Variants in LPXN observed in about 807,000 individuals in gnomAD.
LPXN encodes leupaxin.
Under a neutral mutation model 45.6 loss-of-function variants are expected in LPXN, and 28 were observed. The observed-to-expected ratio is 0.61, with a 90% CI of 0.45 to 0.84. The LOEUF (loss-of-function observed/expected upper bound fraction) is 0.84. Ranked by LOEUF, LPXN falls within the 40% of genes least tolerant of loss-of-function variation. The pLI is 0.00. For missense variants in LPXN, 459 were observed against 475.0 expected, an observed-to-expected ratio of 0.97 and a Z score of 0.31; for synonymous variants, 166 against 169.9, an observed-to-expected ratio of 0.98 and a Z score of 0.18.
At chr11:58,537,598 G>C (rs566161476) in intron 7 of LPXN, among the ~76,000 whole-genome samples, 1 of 151,748 alleles carries the variant, frequency 6.6e-6, no homozygotes, top group Non-Finnish European at 1.5e-5. Flanking sequence ...ACCATGGCAC[G>C]TGTATACCTA....
chr11:58,556,366 A>C (rs1272864546), intron 3 of LPXN, among the ~76,000 whole-genome samples: 1 of 152,108 alleles, frequency 6.6e-6, no homozygotes. Flanking sequence ...GAAAAATAAG[A>C]AAAAGTCTAT....
chr11:58,547,495 T>G (rs1853910708), intron 7 of LPXN, among the ~76,000 whole-genome samples: 1 of 152,190 alleles, frequency 6.6e-6, no homozygotes, highest in Non-Finnish European at 1.5e-5. Context: ...ACAACAATCC[T>G]AGACAAGTTA....
upstream of LPXN, among the ~76,000 whole-genome samples, chr11:58,577,531 C>T (rs1249593284): frequency 1.2e-4 from 19 of 152,086 alleles, no homozygotes; most frequent in Admixed American, 1.2e-3. Context: ...AAAGGATGTT[C>T]TTGCAAATCG....
chr11:58,550,948 G>T, intron 5 of LPXN, 117 bp downstream of exon 5: 2 of 957,306 alleles, frequency 2.1e-6, no homozygotes, highest in Non-Finnish European at 2.9e-6. Context: ...CACTGTAAGT[G>T]ATTAGTAATT....
chr11:58,567,022 G>GTA (rs201722099), intron 2 of LPXN, among the ~76,000 whole-genome samples: 1 of 144,540 alleles, frequency 6.9e-6, no homozygotes, highest in Non-Finnish European at 1.5e-5. Context: ...GTGTGTGTGT[G>GTA]TATATATATA....
intron 7 of LPXN, among the ~76,000 whole-genome samples, chr11:58,536,416 C>A (rs1299988349): frequency 2.0e-5 from 3 of 152,152 alleles, no homozygotes; most frequent in Admixed American, 6.5e-5. Flanking sequence ...GGAAAGGATT[C>A]CCTATTTAAT....
intron 1 of LPXN, among the ~76,000 whole-genome samples, chr11:58,571,334 T>A (rs1270579800): frequency 1.5e-5 from 2 of 131,202 alleles, no homozygotes; most frequent in Admixed American, 1.7e-4. Flanking sequence ...AGTGATACCC[T>A]GTCTCAAAAA....
intron 2 of LPXN, among the ~76,000 whole-genome samples, chr11:58,564,532 G>T (rs1854472103): frequency 6.6e-6 from 1 of 152,136 alleles, no homozygotes; most frequent in Non-Finnish European, 1.5e-5. Context: ...TAACTAAACA[G>T]GATGGTGCCT....
At chr11:58,549,178 G>A (rs922233114) in intron 7 of LPXN, among the ~76,000 whole-genome samples, 2 of 152,156 alleles carry the variant, frequency 1.3e-5, no homozygotes, top group African/African-American at 4.8e-5. Flanking sequence ...GGCGGATCAC[G>A]AGGTCAGGAG....
rs193003574 is a variant in LPXN, at chr11:58,532,570, T to C, written c.743-4379A>G. Among the ~76,000 whole-genome samples the C allele has an allele frequency of 2.6e-5, 4 of 152,148 alleles. No individual in the cohort carries two copies. In the East Asian group the frequency reaches 7.7e-4, roughly 29 times the overall value. On this transcript the variant is annotated intron_variant, in intron 7 of 8. Coordinates refer to ENST00000395074, the MANE Select transcript of LPXN (RefSeq NM_004811.3). The stretch of plus-strand genomic sequence containing the variant: ...CAATCAGTGCTCTGTGTCTAGCTAA[T>C]CTAGTGGGGACTTGGAGAACTTTTG...
At chr11:58,531,633 T>C (rs1853390176) in intron 7 of LPXN, among the ~76,000 whole-genome samples, 2 of 152,270 alleles carry the variant, frequency 1.3e-5, no homozygotes, top group East Asian at 1.9e-4. Context: ...AAAAACACTC[T>C]TCAGGATATT....
intron 1 of LPXN, among the ~76,000 whole-genome samples, chr11:58,573,025 C>T (rs554650928): frequency 6.6e-6 from 1 of 152,044 alleles, no homozygotes; most frequent in Admixed American, 6.5e-5. Flanking sequence ...GCGGGCGGAT[C>T]GCCTGAGGTT....
chr11:58,549,886 G>T lies in LPXN; in HGVS notation c.661-19C>A, dbSNP rs1555006173. On this transcript the variant is annotated intron_variant, in intron 6 of 8. Coordinates refer to ENST00000395074, the MANE Select transcript of LPXN (RefSeq NM_004811.3). ...GCACTTTCTGGAAAGGGAACACACA[G>T]ATATTATAATGATGCAGAAGTTGTA... 2 of 1,613,910 alleles carry T rather than the reference G, an allele frequency of 1.2e-6. No homozygotes were observed. Among genetic ancestry groups the T allele is most frequent in the Non-Finnish European group, 1.7e-6 (2 of 1,179,794 alleles).
At position 58,545,605 on chromosome 11, in the gene LPXN, T is replaced by C. The variant is rs189119897; in HGVS notation, c.742+4181A>G. 1.7e-3 allele frequency among the ~76,000 whole-genome samples: 260 copies of C among 152,322 alleles called. 2 individuals carry two copies. The highest frequency in any genetic ancestry group is 0.015 in the Admixed American group (232 of 15,286). On this transcript the variant is annotated intron_variant, in intron 7 of 8. Transcript: ENST00000395074. ...AAGCTCCAGTGAACAAGCAAATTAC[T>C]ACAGAGCACTTTGCTAGTGGATTCT...
At chr11:58,537,368 G>A (rs1299361978) in intron 7 of LPXN, among the ~76,000 whole-genome samples, 1 of 152,142 alleles carries the variant, frequency 6.6e-6, no homozygotes, top group Non-Finnish European at 1.5e-5. Context: ...GCAGGGACAT[G>A]GATGAAGCTG....
intron 7 of LPXN, among the ~76,000 whole-genome samples, chr11:58,549,342 G>A (rs916242600): frequency 4.6e-5 from 7 of 152,214 alleles, no homozygotes; most frequent in South Asian, 4.2e-4. Flanking sequence ...TGCAGTGGGC[G>A]GAGATCGCAC....
intron 7 of LPXN, among the ~76,000 whole-genome samples, chr11:58,532,047 C>T (rs116749334): frequency 0.028 from 4,316 of 152,298 alleles, 142 homozygotes; most frequent in African/African-American, 0.083. Flanking sequence ...TCAGAGTGGC[C>T]GGCCAGCACC....
At chr11:58,541,931 A>C (rs559156109) in intron 7 of LPXN, among the ~76,000 whole-genome samples, 4 of 152,040 alleles carry the variant, frequency 2.6e-5, no homozygotes, top group African/African-American at 9.7e-5. Context: ...TCAGTAAACT[A>C]TCTCAAGGAC....
chr11:58,546,940 A>G (rs1426179295), intron 7 of LPXN, among the ~76,000 whole-genome samples: 2 of 152,202 alleles, frequency 1.3e-5, no homozygotes, highest in African/African-American at 2.4e-5. Context: ...TCCTTTGAAG[A>G]AAACTGTGCT....
Sources: allele counts gnomAD v4.1 joint callset (sites outside exome capture counted in the v4.1 genomes callset), GRCh38; gene constraint gnomAD v4.1.1; transcripts MANE v1.5; gene names NCBI Gene and HGNC (gene_info 2026-07-23, HGNC 2026-07-21).